Variants in SEM1 observed in about 807,000 individuals in gnomAD.
The protein encoded by SEM1 is SEM1 26S proteasome subunit, also known as 26S proteasome complex subunit SEM1.
A neutral mutation model predicts 12.7 loss-of-function variants in SEM1; 3 were observed. The observed-to-expected ratio is 0.24, with a 90% CI of 0.11 to 0.61. SEM1 has a LOEUF of 0.61. Ranked by LOEUF, SEM1 falls within the 20% of genes least tolerant of loss-of-function variation. The pLI, the probability that SEM1 is intolerant of heterozygous loss-of-function variation, is 0.88. For synonymous variants in SEM1, 30 were observed against 27.8 expected (o/e 1.08, Z -0.25); for missense variants, 59 against 81.3 (o/e 0.73, Z 1.06).
At chr7:96,708,644 C>T (rs964210426) in intron 1 of SEM1, among the ~76,000 whole-genome samples, 1 of 152,194 alleles carries the variant, frequency 6.6e-6, no homozygotes, top group African/African-American at 2.4e-5. Flanking sequence ...ACAGCAATCT[C>T]ACAAACAGAA....
chr7:96,681,986 T>C (rs1420966720), intron 2 of SEM1, among the ~76,000 whole-genome samples: 1 of 152,164 alleles, frequency 6.6e-6, no homozygotes, highest in Non-Finnish European at 1.5e-5. Flanking sequence ...AGTATGGCCA[T>C]TTTCACGATA....
chr7:96,530,962 C>A (rs1266238683), intron 2 of SEM1, among the ~76,000 whole-genome samples: 2 of 152,040 alleles, frequency 1.3e-5, no homozygotes, highest in Non-Finnish European at 2.9e-5. Flanking sequence ...TTATTTAACA[C>A]ACAGTTAGTC....
upstream of SEM1, among the ~76,000 whole-genome samples, chr7:96,497,046 C>G (rs2117247057): frequency 6.6e-6 from 1 of 152,088 alleles, no homozygotes; most frequent in Admixed American, 6.6e-5. Flanking sequence ...GTCATACACA[C>G]ACTTTCTGCA....
At chr7:96,517,995 A>G (rs1804148732) in intron 2 of SEM1, among the ~76,000 whole-genome samples, 1 of 152,206 alleles carries the variant, frequency 6.6e-6, no homozygotes, top group South Asian at 2.1e-4. Context: ...TAAGAGACAG[A>G]AGGCATTAGG....
chr7:96,611,997 A>G (rs1283054877), intron 2 of SEM1, among the ~76,000 whole-genome samples: 1 of 140,670 alleles, frequency 7.1e-6, no homozygotes, highest in Non-Finnish European at 1.5e-5. Flanking sequence ...TACCCCCCCA[A>G]ATAAAAAAAG....
chr7:96,528,861 G>A lies in SEM1; in HGVS notation c.171-22163C>T, dbSNP rs1045213928. Among the ~76,000 whole-genome samples the A allele has an allele frequency of 7.2e-5, 11 of 152,046 alleles. No individual in the cohort carries two copies. In the East Asian group the frequency reaches 9.7e-4, roughly 13 times the overall value. ...TACCCACCAGCAGCATACTACCACC[G>A]TGGCTTTCTGCACCAAACATTGAAA... On this transcript the variant is annotated intron_variant and NMD_transcript_variant, in intron 2 of 3. Coordinates refer to the SEM1 transcript ENST00000466986.
chr7:96,495,456 C>T (rs1445710172), intron 1 of SEM1, among the ~76,000 whole-genome samples: 1 of 152,094 alleles, frequency 6.6e-6, no homozygotes, highest in East Asian at 1.9e-4. Flanking sequence ...TTTGAGGACT[C>T]CTGATAGTAA....
At chr7:96,582,353 G>A (rs1806439951) in intron 2 of SEM1, among the ~76,000 whole-genome samples, 1 of 150,108 alleles carries the variant, frequency 6.7e-6, no homozygotes, top group African/African-American at 2.5e-5. Context: ...GCTTTTTGAT[G>A]TGCTGCTGGA....
intron 1 of SEM1, chr7:96,695,505 A>G (rs1790063026): frequency 6.6e-6 from 1 of 151,942 alleles, no homozygotes; most frequent in Non-Finnish European, 1.5e-5. Flanking sequence ...TAGAATGGTG[A>G]GAAAGTACGT....
At chr7:96,696,516 C>G (rs1411705367) in intron 1 of SEM1, 2 of 152,004 alleles carry the variant, frequency 1.3e-5, no homozygotes, top group East Asian at 3.9e-4. Context: ...TTCCAATTAT[C>G]ATAGATGAGG....
intron 2 of SEM1, among the ~76,000 whole-genome samples, chr7:96,517,114 G>A (rs1451375650): frequency 6.6e-6 from 1 of 152,132 alleles, no homozygotes; most frequent in African/African-American, 2.4e-5. Flanking sequence ...TTTTAGGGAA[G>A]TGAAAATACT....
intron 2 of SEM1, among the ~76,000 whole-genome samples, chr7:96,613,070 A>G (rs1046712662): frequency 2.0e-5 from 3 of 152,248 alleles, no homozygotes; most frequent in Non-Finnish European, 1.5e-5. Flanking sequence ...ATGGTTGTAG[A>G]GAGAAAAAGT....
intron 2 of SEM1, among the ~76,000 whole-genome samples, chr7:96,538,375 T>C (rs1353505095): frequency 2.6e-5 from 4 of 151,848 alleles, no homozygotes. Context: ...AAATTTTTGC[T>C]GAAAACTAGA....
chr7:96,677,030 C>T (rs2115647484), intron 2 of SEM1, among the ~76,000 whole-genome samples: 1 of 152,220 alleles, frequency 6.6e-6, no homozygotes, highest in African/African-American at 2.4e-5. Context: ...GCAAATCAGC[C>T]CTGTTTTTAT....
At chr7:96,628,287 T>C (rs1808136370) in intron 2 of SEM1, among the ~76,000 whole-genome samples, 1 of 152,116 alleles carries the variant, frequency 6.6e-6, no homozygotes, top group Non-Finnish European at 1.5e-5. Flanking sequence ...TGTTATTTGT[T>C]TTCTGGTTGT....
intron 2 of SEM1, among the ~76,000 whole-genome samples, chr7:96,524,320 C>T (rs1381368050): frequency 6.6e-6 from 1 of 152,244 alleles, no homozygotes. Flanking sequence ...AATAGAACTC[C>T]TGCGATGATG....
At chr7:96,509,727 A>T (rs1803876657) in intron 2 of SEM1, among the ~76,000 whole-genome samples, 1 of 152,142 alleles carries the variant, frequency 6.6e-6, no homozygotes, top group Non-Finnish European at 1.5e-5. Context: ...ACGGAAGAAA[A>T]TTTTGGGGCA....
At chr7:96,619,253 GA>G (rs1383684269), downstream of SEM1, among the ~76,000 whole-genome samples, 5 of 152,054 alleles carry the variant, frequency 3.3e-5, no homozygotes, top group African/African-American at 9.7e-5. Context: ...GTTTTTGTAG[GA>G]AAAAATTTTT....
chr7:96,561,650 T>A (rs1805694605), intron 2 of SEM1, among the ~76,000 whole-genome samples: 2 of 152,358 alleles, frequency 1.3e-5, no homozygotes, highest in South Asian at 4.1e-4. Context: ...ATCGGTTCCA[T>A]ATTTAAATAT....
Sources: allele counts gnomAD v4.1 joint callset (sites outside exome capture counted in the v4.1 genomes callset), GRCh38; gene constraint gnomAD v4.1.1; transcripts MANE v1.5; gene names NCBI Gene and HGNC (gene_info 2026-07-23, HGNC 2026-07-21).